The following MARK3 variants were observed in gnomAD, a reference collection of about 807,000 sequenced individuals.
MARK3 encodes the protein microtubule affinity regulating kinase 3.
In MARK3, 46 loss-of-function variants were observed where a neutral mutation model predicts 90.1. The ratio of observed to expected loss-of-function variants is 0.51; its 90% CI spans 0.40 to 0.65. MARK3 has a LOEUF of 0.65. MARK3 is among the 30% of genes least tolerant of loss of function. MARK3 has a pLI of 0.00. For synonymous variants in MARK3, 321 were observed against 332.6 expected, an observed-to-expected ratio of 0.97 and a Z score of 0.38; for missense variants, 818 against 947.2, an observed-to-expected ratio of 0.86 and a Z score of 1.79.
At chr14:103,388,239 T>C (rs1361061181) in intron 1 of MARK3, among the ~76,000 whole-genome samples, 1 of 152,214 alleles carries the variant, frequency 6.6e-6, no homozygotes, top group Non-Finnish European at 1.5e-5. Flanking sequence ...CCATGTAGTG[T>C]ATTTAAAATG....
intron 13 of MARK3, 54 bp downstream of exon 13, chr14:103,475,264 T>C: frequency 2.0e-6 from 3 of 1,474,550 alleles, no homozygotes; most frequent in Non-Finnish European, 2.8e-6. Context: ...TGGAACCAGC[T>C]AGACACCAGG....
At chr14:103,431,181 T>C (rs1461174987) in intron 3 of MARK3, among the ~76,000 whole-genome samples, 2 of 152,188 alleles carry the variant, frequency 1.3e-5, no homozygotes, top group Non-Finnish European at 2.9e-5. Context: ...TCCCTCTGCC[T>C]CTTGGGTTCA....
chr14:103,489,610 G>A (rs1014795113), intron 14 of MARK3: 3 of 152,430 alleles, frequency 2.0e-5, no homozygotes, highest in Non-Finnish European at 4.4e-5. Context: ...GAGCTACTAG[G>A]AAGTTGACAC....
At position 103,477,348 on chromosome 14, in the gene MARK3, C is replaced by T. The variant is rs551823887; in HGVS notation, c.1482+2138C>T. Among the ~76,000 whole-genome samples, 13 of 152,078 alleles carry T rather than the reference C, an allele frequency of 8.5e-5. No homozygotes were observed. The South Asian group carries it at 1.9e-3, about 22-fold the overall frequency. On this transcript the variant is annotated intron_variant, in intron 13 of 17. Coordinates refer to ENST00000429436, the MANE Select transcript of MARK3 (RefSeq NM_001128918.3). ...CTCTACTAAAAATACAAAAATTAGCCGGGTATAGTGGCGTGCTCCTGTAAT... is the reference window on the plus strand; with the variant it reads ...CTCTACTAAAAATACAAAAATTAGCTGGGTATAGTGGCGTGCTCCTGTAAT...
intron 1 of MARK3, chr14:103,386,335 G>T: frequency 1.4e-6 from 1 of 693,430 alleles, no homozygotes; most frequent in Non-Finnish European, 2.6e-6. Flanking sequence ...GAGTTGCAGC[G>T]TTACGGATCG....
intron 3 of MARK3, among the ~76,000 whole-genome samples, chr14:103,435,645 T>C (rs969463299): frequency 2.2e-4 from 33 of 151,880 alleles, no homozygotes; most frequent in African/African-American, 7.7e-4. Flanking sequence ...CCTGACCTCA[T>C]GATCTGCCCG....
At chr14:103,411,206 G>A (rs1255435755) in intron 2 of MARK3, among the ~76,000 whole-genome samples, 5 of 152,274 alleles carry the variant, frequency 3.3e-5, no homozygotes, top group South Asian at 2.1e-4. Context: ...CCCGGGAGAC[G>A]GAGCTTGCAG....
At chr14:103,481,584 T>C (rs2093818671) in intron 14 of MARK3, among the ~76,000 whole-genome samples, 1 of 151,950 alleles carries the variant, frequency 6.6e-6, no homozygotes, top group South Asian at 2.1e-4. Context: ...AAGATTATGG[T>C]TATTATTCGT....
chr14:103,445,444 C>G (rs1210963645), intron 3 of MARK3, among the ~76,000 whole-genome samples: 5 of 152,248 alleles, frequency 3.3e-5, no homozygotes, highest in Non-Finnish European at 2.9e-5. Flanking sequence ...TACATAATTC[C>G]AATAGAGAGG....
chr14:103,439,575 A>G (rs1014404283), intron 3 of MARK3, among the ~76,000 whole-genome samples: 4 of 151,882 alleles, frequency 2.6e-5, no homozygotes, highest in African/African-American at 9.7e-5. Flanking sequence ...CACCCAGCTA[A>G]TTTTTGTATT....
intron 2 of MARK3, among the ~76,000 whole-genome samples, chr14:103,421,493 C>G (rs534559130): frequency 2.0e-4 from 31 of 152,158 alleles, no homozygotes; most frequent in African/African-American, 7.2e-4. Flanking sequence ...AGAGTGGAGC[C>G]CTAAGAAGAA....
Position 103,395,658 on chromosome 14 carries a change from A to G in MARK3, c.52-9418A>G, listed in dbSNP as rs562278476. 5.1e-4 allele frequency among the ~76,000 whole-genome samples: 77 copies of G among 152,292 alleles called. 1 individual carries two copies. Among genetic ancestry groups the G allele is most frequent in the African/African-American group, 1.8e-3 (75 of 41,560 alleles). ...GTGATTTTCTGAGAAAGTTGCTCAGAGGTAAATTTTTAAAATCCTTTCATA... is the reference window on the plus strand; with the variant it reads ...GTGATTTTCTGAGAAAGTTGCTCAGGGGTAAATTTTTAAAATCCTTTCATA... On this transcript the variant is annotated intron_variant, in intron 1 of 17. Coordinates refer to ENST00000429436, the MANE Select transcript of MARK3 (RefSeq NM_001128918.3).
At chr14:103,491,220 C>G in intron 14 of MARK3, 1 of 758,046 alleles carries the variant, frequency 1.3e-6, no homozygotes, top group Non-Finnish European at 1.8e-6. Flanking sequence ...AGGCGTCCTT[C>G]CTCCATGTGA....
intron 2 of MARK3, among the ~76,000 whole-genome samples, chr14:103,419,915 T>C (rs561975298): frequency 9.2e-5 from 14 of 152,052 alleles, no homozygotes; most frequent in African/African-American, 3.4e-4. Flanking sequence ...TGCTGATCAG[T>C]GGGATGGGGA....
Position 103,498,810 on chromosome 14 carries a change from A to G in MARK3, c.1871+282A>G, listed in dbSNP as rs1015325465. On this transcript the variant is annotated intron_variant, in intron 16 of 17. Coordinates refer to ENST00000429436, the MANE Select transcript of MARK3 (RefSeq NM_001128918.3). ...TTAGCATCCAAATAATTCTGTCTTC[A>G]TACTAATAACACTTAGCATGCTCCT... 13 of 209,814 alleles carry G rather than the reference A, an allele frequency of 6.2e-5. No individual in the cohort carries two copies. The East Asian group carries it at 9.3e-4, about 15-fold the overall frequency. 13.0% of individuals were successfully genotyped at this position (209,814 alleles called of 1,614,324 possible). A position where few individuals can be genotyped will look rare whatever the true frequency, so the allele number is the denominator to read the frequency against.
At chr14:103,389,319 G>A (rs1406628428) in intron 1 of MARK3, among the ~76,000 whole-genome samples, 1 of 150,696 alleles carries the variant, frequency 6.6e-6, no homozygotes, top group Non-Finnish European at 1.5e-5. Flanking sequence ...AGCCGAGATT[G>A]GGCCACCACA....
intron 2 of MARK3, among the ~76,000 whole-genome samples, chr14:103,418,948 G>A (rs539951428): frequency 6.6e-6 from 1 of 152,230 alleles, no homozygotes; most frequent in African/African-American, 2.4e-5. Flanking sequence ...CAATGCCATT[G>A]ATGAGAACAG....
intron 12 of MARK3, among the ~76,000 whole-genome samples, chr14:103,469,651 C>T (rs892866322): frequency 6.6e-6 from 1 of 151,966 alleles, no homozygotes; most frequent in African/African-American, 2.4e-5. Flanking sequence ...CGGGATTTCA[C>T]CATGTTGGCC....
At chr14:103,386,874 C>T (rs774783622) in intron 1 of MARK3, among the ~76,000 whole-genome samples, 1 of 152,170 alleles carries the variant, frequency 6.6e-6, no homozygotes, top group Non-Finnish European at 1.5e-5. Flanking sequence ...TGATTTTGTT[C>T]ATGTGAAACT....
Sources: gnomAD v4.1 joint callset for allele counts (sites outside exome capture counted in the v4.1 genomes callset) on GRCh38, gnomAD v4.1.1 for gene constraint, MANE v1.5 for transcripts, NCBI Gene and HGNC (gene_info 2026-07-23, HGNC 2026-07-21) for gene names.